The following HSD17B3 variants were observed in gnomAD, a reference collection of about 807,000 sequenced individuals.
The protein encoded by HSD17B3 is 17-beta-hydroxysteroid dehydrogenase type 3.
Under a neutral mutation model 41.1 loss-of-function variants are expected in HSD17B3, and 29 were observed. The ratio of observed to expected loss-of-function variants is 0.71; its 90% CI spans 0.53 to 0.96. The LOEUF is 0.96. Ranked by LOEUF, HSD17B3 falls within the 40% of genes least tolerant of loss-of-function variation. The probability of loss-of-function intolerance (pLI) is 0.00; values close to 1 mark genes in which losing one functional copy is unlikely to be tolerated. For synonymous variants in HSD17B3, 126 were observed against 145.6 expected (o/e 0.87, Z 0.97); for missense variants, 323 against 374.6 (o/e 0.86, Z 1.14).
At chr9:96,294,766 T>C (rs571864547) in intron 2 of HSD17B3, among the ~76,000 whole-genome samples, 10 of 152,314 alleles carry the variant, frequency 6.6e-5, no homozygotes, top group Non-Finnish European at 1.5e-4. Flanking sequence ...TTTGGGGGAA[T>C]GGAAGACACA....
chr9:96,241,967 AAGAAAGAAAG>A lies in HSD17B3; in HGVS notation c.673-1070_673-1061del, dbSNP rs1564023348. Among the ~76,000 whole-genome samples, 1,231 of 145,502 alleles carry A rather than the reference AAGAAAGAAAG, an allele frequency of 8.5e-3. 22 individuals are homozygous for A. Among genetic ancestry groups the A allele is most frequent in the African/African-American group, 0.029 (1,118 of 37,900 alleles). On this transcript the variant is annotated intron_variant, in intron 9 of 10. Coordinates refer to ENST00000375263, the MANE Select transcript of HSD17B3 (RefSeq NM_000197.2). Reference sequence around the variant, plus strand: ...AAAAAAAGAAAAGAACAGAAAAAGAAAGAAAGAAAGAAAGAAAGAAAGAAAGAAAGAAAGA... The same window carrying A: ...AAAAAAAGAAAAGAACAGAAAAAGAAAAAGAAAGAAAGAAAGAAAGAAAGA...
chr9:96,249,375 C>G (rs980016100), intron 6 of HSD17B3, among the ~76,000 whole-genome samples: 2 of 152,198 alleles, frequency 1.3e-5, no homozygotes, highest in Non-Finnish European at 2.9e-5. Context: ...ATCCAAGCCA[C>G]GCCCTCCGTC....
At chr9:96,256,005 C>G (rs1825641143) in intron 2 of HSD17B3, among the ~76,000 whole-genome samples, 1 of 152,182 alleles carries the variant, frequency 6.6e-6, no homozygotes, top group Non-Finnish European at 1.5e-5. Context: ...GTGTCTGTAC[C>G]TAAAACTGCT....
intron 2 of HSD17B3, among the ~76,000 whole-genome samples, chr9:96,283,803 G>A (rs899755982): frequency 7.2e-5 from 11 of 151,990 alleles, no homozygotes; most frequent in African/African-American, 2.4e-4. Context: ...CTTAAATGCA[G>A]GTTTCTGATA....
intron 2 of HSD17B3, among the ~76,000 whole-genome samples, chr9:96,287,938 A>G (rs930537844): frequency 2.6e-5 from 4 of 152,154 alleles, no homozygotes; most frequent in African/African-American, 9.6e-5. Flanking sequence ...AAAATGGAGT[A>G]TATCCATACA....
chr9:96,275,864 C>T (rs1262727223), intron 2 of HSD17B3, among the ~76,000 whole-genome samples: 1 of 151,416 alleles, frequency 6.6e-6, no homozygotes, highest in African/African-American at 2.4e-5. Flanking sequence ...GACAGAAAAC[C>T]ATTTACAAAA....
At chr9:96,271,965 C>A (rs780000733) in intron 2 of HSD17B3, among the ~76,000 whole-genome samples, 2 of 151,980 alleles carry the variant, frequency 1.3e-5, no homozygotes, top group Admixed American at 1.3e-4. Context: ...TGCTGTACTG[C>A]TTGAATTTTC....
At chr9:96,259,536 C>T (rs1357976404) in intron 2 of HSD17B3, among the ~76,000 whole-genome samples, 3 of 152,114 alleles carry the variant, frequency 2.0e-5, no homozygotes, top group African/African-American at 4.8e-5. Context: ...GCCTGACCAA[C>T]ATGGTGAAAG....
rs765522098 is a variant in HSD17B3, at chr9:96,252,762, T to C, written c.385+41A>G. The stretch of plus-strand genomic sequence containing the variant: ...ACTCATCAGTGTCAGGTTATTTCAC[T>C]GATGTATGACAACAAGCTTTGCATC... On this transcript the variant is annotated intron_variant, in intron 4 of 10. Coordinates refer to ENST00000375263, the MANE Select transcript of HSD17B3 (RefSeq NM_000197.2). The C allele has an allele frequency of 7.0e-6, 7 of 1,005,642 alleles. No individual in the cohort carries two copies. In the South Asian group the frequency reaches 8.9e-5, roughly 13 times the overall value. The allele number at this position is 1,005,642 out of a possible 1,614,324, so 62.3% of individuals were successfully genotyped here. A position where few individuals can be genotyped will look rare whatever the true frequency, so the allele number is the denominator to read the frequency against.
chr9:96,300,865 G>A (rs1027848170), intron 1 of HSD17B3, among the ~76,000 whole-genome samples: 8 of 152,020 alleles, frequency 5.3e-5, no homozygotes, highest in African/African-American at 1.2e-4. Context: ...AGAGTTATGC[G>A]TTGCCTTGAT....
intron 2 of HSD17B3, among the ~76,000 whole-genome samples, chr9:96,278,089 T>TA (rs1826546401): frequency 6.6e-6 from 1 of 151,692 alleles, no homozygotes; most frequent in Non-Finnish European, 1.5e-5. Flanking sequence ...GGGGGAGGGG[T>TA]AAATGGTGAG....
chr9:96,259,253 A>G (rs995914200), intron 2 of HSD17B3, among the ~76,000 whole-genome samples: 2 of 152,144 alleles, frequency 1.3e-5, no homozygotes, highest in Non-Finnish European at 2.9e-5. Context: ...CTGGGTGGAC[A>G]ATGAGTTGTT....
At chr9:96,235,722 CT>C (rs1232542830) in intron 10 of HSD17B3, 152 bp from the exon 11 acceptor site, 1 of 737,440 alleles carries the variant, frequency 1.4e-6, no homozygotes, top group East Asian at 2.7e-5. Flanking sequence ...TCTTGTGACA[CT>C]TTCTCAGCTC....
intron 2 of HSD17B3, among the ~76,000 whole-genome samples, chr9:96,287,595 A>G (rs1320903606): frequency 6.6e-6 from 1 of 152,198 alleles, no homozygotes; most frequent in African/African-American, 2.4e-5. Flanking sequence ...CTGTAGTCCC[A>G]GCTACCAGGG....
intron 2 of HSD17B3, among the ~76,000 whole-genome samples, chr9:96,266,862 G>A (rs1337089952): frequency 6.6e-6 from 1 of 152,076 alleles, no homozygotes; most frequent in African/African-American, 2.4e-5. Context: ...TTCCAGAACA[G>A]CAGGTGGCCT....
chr9:96,254,749 G>T, intron 3 of HSD17B3, 119 bp downstream of exon 3: 1 of 846,672 alleles, frequency 1.2e-6, no homozygotes, highest in Non-Finnish European at 2.0e-6. Context: ...CCCCAGGAGA[G>T]CTGGTGCCCC....
chr9:96,240,785 G>A lies in HSD17B3; in HGVS notation c.795C>T (p.Thr265=). Residue 265 remains threonine (T), a synonymous_variant, in exon 10 of 11, where the codon ACC becomes ACT. Transcript: ENST00000375263. ...SLNYVTIGGE[T]CGCLAHEILA... ...AGATTTCATGGGCAAGGCAGCCACA[G>A]GTTTCACCTCCAATTGTGACATAAT... The A allele has an allele frequency of 6.2e-7, 1 of 1,614,206 alleles. No individual in the cohort carries two copies. The highest frequency in any genetic ancestry group is 8.5e-7 in the Non-Finnish European group (1 of 1,180,046).
At chr9:96,290,258 C>T (rs10990258) in intron 2 of HSD17B3, among the ~76,000 whole-genome samples, 6,910 of 151,956 alleles carry the variant, frequency 0.045, 458 homozygotes, top group East Asian at 0.3. Context: ...TAAATGTAAA[C>T]GCAGATTCGG....
intron 6 of HSD17B3, among the ~76,000 whole-genome samples, chr9:96,247,499 C>T (rs1226570262): frequency 6.6e-6 from 1 of 152,178 alleles, no homozygotes; most frequent in Non-Finnish European, 1.5e-5. Context: ...CTCAGAGCCT[C>T]CAGGGAATGT....
Sources: gnomAD v4.1 joint callset for allele counts (sites outside exome capture counted in the v4.1 genomes callset) on GRCh38, gnomAD v4.1.1 for gene constraint, MANE v1.5 for transcripts, NCBI Gene and HGNC (gene_info 2026-07-23, HGNC 2026-07-21) for gene names.